Variants in FSTL5 observed in about 807,000 individuals in gnomAD.
FSTL5 encodes the protein follistatin-related protein 5.
FSTL5 carries 62 observed loss-of-function variants against 89.1 expected under a neutral mutation model. The ratio of observed to expected loss-of-function variants is 0.70; its 90% CI spans 0.57 to 0.86. The LOEUF is 0.86. FSTL5 is among the 40% of genes least tolerant of loss of function. The pLI, the probability that FSTL5 is intolerant of heterozygous loss-of-function variation, is 0.00. For synonymous variants in FSTL5, 383 were observed against 346.2 expected (o/e 1.11, Z -1.18); for missense variants, 1,057 against 1,001.6 (o/e 1.06, Z -0.75).
intron 1 of FSTL5, among the ~76,000 whole-genome samples, chr4:162,137,832 C>T (rs947808352): frequency 2.0e-5 from 3 of 152,122 alleles, no homozygotes; most frequent in African/African-American, 7.2e-5. Context: ...AATATCATAG[C>T]TAGCATATCA....
At chr4:161,783,867 G>A (rs1435518967) in intron 4 of FSTL5, among the ~76,000 whole-genome samples, 1 of 149,636 alleles carries the variant, frequency 6.7e-6, no homozygotes, top group African/African-American at 2.5e-5. Flanking sequence ...TTGGGTTCAA[G>A]AGACTCTCAT....
At chr4:161,836,680 C>T (rs1390608302) in intron 4 of FSTL5, among the ~76,000 whole-genome samples, 1 of 151,608 alleles carries the variant, frequency 6.6e-6, no homozygotes, top group African/African-American at 2.4e-5. Context: ...AAAGAACACC[C>T]TGGAAACAAT....
chr4:161,405,104 G>T (rs866288811), intron 15 of FSTL5, among the ~76,000 whole-genome samples: 2 of 151,934 alleles, frequency 1.3e-5, no homozygotes, highest in Middle Eastern at 3.2e-3. Flanking sequence ...ATGGTGGTGG[G>T]CACCTGTAAT....
chr4:161,527,599 C>A (rs1341166137), intron 10 of FSTL5, among the ~76,000 whole-genome samples: 1 of 151,986 alleles, frequency 6.6e-6, no homozygotes, highest in African/African-American at 2.4e-5. Flanking sequence ...AATGAGATAC[C>A]ATCTCACACC....
intron 12 of FSTL5, among the ~76,000 whole-genome samples, chr4:161,485,595 A>C (rs915193303): frequency 6.6e-6 from 1 of 152,226 alleles, no homozygotes; most frequent in African/African-American, 2.4e-5. Flanking sequence ...GAAAGAATGA[A>C]ATATTTGCAT....
intron 10 of FSTL5, among the ~76,000 whole-genome samples, chr4:161,525,359 A>G (rs1218623064): frequency 6.6e-6 from 1 of 152,150 alleles, no homozygotes; most frequent in African/African-American, 2.4e-5. Context: ...TCCTAACAAT[A>G]AAAGCTCTTG....
intron 4 of FSTL5, among the ~76,000 whole-genome samples, chr4:161,874,401 T>C (rs1732372681): frequency 6.6e-6 from 1 of 152,010 alleles, no homozygotes; most frequent in Admixed American, 6.6e-5. Context: ...TTCACAATCA[T>C]GTATTTTGGG....
chr4:161,886,998 T>A (rs1308960750), intron 4 of FSTL5, among the ~76,000 whole-genome samples: 2 of 152,166 alleles, frequency 1.3e-5, no homozygotes, highest in African/African-American at 4.8e-5. Flanking sequence ...AATAGCTACA[T>A]TTATGACTGT....
At chr4:161,697,220 C>CTA (rs1232015328) in intron 6 of FSTL5, among the ~76,000 whole-genome samples, 1 of 152,148 alleles carries the variant, frequency 6.6e-6, no homozygotes, top group Admixed American at 6.5e-5. Flanking sequence ...ACGGGAAGTG[C>CTA]TATAGGAAAT....
intron 3 of FSTL5, among the ~76,000 whole-genome samples, chr4:161,936,264 T>C (rs887247208): frequency 6.6e-6 from 1 of 152,198 alleles, no homozygotes; most frequent in Non-Finnish European, 1.5e-5. Flanking sequence ...CACATATACA[T>C]AATTTACATA....
intron 13 of FSTL5, among the ~76,000 whole-genome samples, chr4:161,470,184 T>C (rs561260335): frequency 6.6e-6 from 1 of 152,272 alleles, no homozygotes; most frequent in South Asian, 2.1e-4. Flanking sequence ...CCAAATCCAA[T>C]AGCATAAATT....
chr4:161,706,882 G>A (rs1487832547), intron 6 of FSTL5, among the ~76,000 whole-genome samples: 5 of 151,816 alleles, frequency 3.3e-5, no homozygotes, highest in Non-Finnish European at 7.4e-5. Context: ...TTTGTTGATT[G>A]GGATCATTTC....
intron 7 of FSTL5, among the ~76,000 whole-genome samples, chr4:161,655,601 G>T (rs1340273747): frequency 1.3e-5 from 2 of 152,104 alleles, no homozygotes; most frequent in Non-Finnish European, 2.9e-5. Context: ...ATATGCACAT[G>T]TTAGAAATGC....
At chr4:161,426,272 C>A (rs759678267) in intron 15 of FSTL5, among the ~76,000 whole-genome samples, 1 of 152,188 alleles carries the variant, frequency 6.6e-6, no homozygotes, top group East Asian at 1.9e-4. Flanking sequence ...TAATACCTAA[C>A]CTCTAGAATC....
At chr4:161,651,280 G>C (rs1401055942) in intron 7 of FSTL5, among the ~76,000 whole-genome samples, 1 of 147,090 alleles carries the variant, frequency 6.8e-6, no homozygotes, top group African/African-American at 2.5e-5. Context: ...ATTAATAAAA[G>C]ATTGCTAGTC....
intron 3 of FSTL5, among the ~76,000 whole-genome samples, chr4:161,944,744 C>T (rs13112469): frequency 0.32 from 48,683 of 151,480 alleles, 9,589 homozygotes; most frequent in Non-Finnish European, 0.43. Flanking sequence ...TAAGGTAAGA[C>T]AATGGTGTAA....
At chr4:161,576,116 C>A (rs187754897) in intron 8 of FSTL5, among the ~76,000 whole-genome samples, 8 of 151,868 alleles carry the variant, frequency 5.3e-5, no homozygotes. Context: ...ATACAAGGGA[C>A]GTGAAGGACC....
intron 15 of FSTL5, among the ~76,000 whole-genome samples, chr4:161,397,442 T>C (rs1246349205): frequency 6.6e-6 from 1 of 151,684 alleles, no homozygotes; most frequent in Non-Finnish European, 1.5e-5. Flanking sequence ...AGGGAAAATA[T>C]AGGCTATATA....
chr4:161,935,738 C>T (rs1321990230), intron 3 of FSTL5, among the ~76,000 whole-genome samples: 1 of 152,088 alleles, frequency 6.6e-6, no homozygotes, highest in Non-Finnish European at 1.5e-5. Flanking sequence ...CAACTTGTAT[C>T]CATTCTGCCC....
Sources: allele counts gnomAD v4.1 joint callset (sites outside exome capture counted in the v4.1 genomes callset), GRCh38; gene constraint gnomAD v4.1.1; transcripts MANE v1.5; gene names NCBI Gene and HGNC (gene_info 2026-07-23, HGNC 2026-07-21).